ESRRG: variants seen among roughly 807,000 people sequenced by gnomAD.
ESRRG encodes estrogen related receptor gamma.
ESRRG carries 13 observed loss-of-function variants against 44.0 expected under a neutral mutation model. The observed-to-expected ratio is 0.30, with a 90% CI of 0.19 to 0.47. The LOEUF is 0.47. ESRRG is among the 20% of genes least tolerant of loss of function. The pLI, the probability that ESRRG is intolerant of heterozygous loss-of-function variation, is 1.00. For synonymous variants in ESRRG, 215 were observed against 214.6 expected, an observed-to-expected ratio of 1.00 and a Z score of -0.02; for missense variants, 395 against 580.6, an observed-to-expected ratio of 0.68 and a Z score of 3.29.
At chr1:217,085,347 C>T (rs760542657) in intron 1 of ESRRG, among the ~76,000 whole-genome samples, 2 of 152,044 alleles carry the variant, frequency 1.3e-5, no homozygotes, top group Admixed American at 6.6e-5. Context: ...AAGAAGGCCC[C>T]GTGGGGCTCT....
At chr1:217,086,049 A>C (rs1433865377) in intron 1 of ESRRG, among the ~76,000 whole-genome samples, 1 of 152,224 alleles carries the variant, frequency 6.6e-6, no homozygotes, top group East Asian at 1.9e-4. Context: ...TGACTTTATG[A>C]AGATATTTTA....
intron 2 of ESRRG, among the ~76,000 whole-genome samples, chr1:216,814,989 T>C (rs1169175503): frequency 6.6e-6 from 1 of 152,232 alleles, no homozygotes; most frequent in Non-Finnish European, 1.5e-5. Flanking sequence ...TTTCTTACCA[T>C]TATTTTCTTA....
intron 2 of ESRRG, among the ~76,000 whole-genome samples, chr1:216,929,919 C>T (rs1026697440): frequency 1.3e-5 from 2 of 152,078 alleles, no homozygotes; most frequent in African/African-American, 2.4e-5. Flanking sequence ...TCATAGAAAC[C>T]GTACCTGATT....
chr1:216,555,245 T>C (rs2057286398), intron 5 of ESRRG, among the ~76,000 whole-genome samples: 1 of 152,206 alleles, frequency 6.6e-6, no homozygotes, highest in African/African-American at 2.4e-5. Context: ...CTACTGAGGT[T>C]TGTGATCCAA....
intron 1 of ESRRG, among the ~76,000 whole-genome samples, chr1:217,075,572 G>T (rs116743281): frequency 6.7e-6 from 1 of 148,756 alleles, no homozygotes; most frequent in African/African-American, 2.5e-5. Context: ...TCCCACACTC[G>T]CTTCAAATTG....
rs546080143 is a variant in ESRRG at position 217,095,003 on chromosome 1, G to T, written c.-230+42664C>A. 6.6e-5 allele frequency among the ~76,000 whole-genome samples: 10 copies of T among 151,856 alleles called. 1 individual carries two copies. The South Asian group carries it at 2.1e-3, about 32-fold the overall frequency. On this transcript the variant is annotated intron_variant, in intron 1 of 8. Coordinates refer to the ESRRG transcript ENST00000366940. The stretch of plus-strand genomic sequence containing the variant: ...TCCATGGATGAATTAAGAAACTCTT[G>T]AAGTTGTAGGCAAAGTGTGTGTCTG...
At chr1:217,124,578 A>G (rs2092864558) in intron 1 of ESRRG, among the ~76,000 whole-genome samples, 2 of 152,230 alleles carry the variant, frequency 1.3e-5, no homozygotes, top group Admixed American at 1.3e-4. Flanking sequence ...GATAAATGTC[A>G]ACAACCAAAC....
intron 1 of ESRRG, among the ~76,000 whole-genome samples, chr1:217,080,967 G>A (rs1335595397): frequency 3.3e-5 from 5 of 151,782 alleles, no homozygotes; most frequent in Non-Finnish European, 7.4e-5. Context: ...GTGAGCCACC[G>A]CGCCTGACCC....
intron 1 of ESRRG, among the ~76,000 whole-genome samples, chr1:216,956,804 CAT>C (rs2068041201): frequency 6.6e-6 from 1 of 152,066 alleles, no homozygotes; most frequent in Non-Finnish European, 1.5e-5. Context: ...CAGAGGTTCG[CAT>C]GAACAATTCC....
chr1:216,693,663 G>A (rs1018004782), intron 1 of ESRRG, among the ~76,000 whole-genome samples: 2 of 152,106 alleles, frequency 1.3e-5, no homozygotes, highest in African/African-American at 4.8e-5. Flanking sequence ...GTATTGTTTA[G>A]GGAATAATGG....
intron 1 of ESRRG, among the ~76,000 whole-genome samples, chr1:216,981,038 T>G (rs1310533144): frequency 6.6e-6 from 1 of 152,136 alleles, no homozygotes; most frequent in African/African-American, 2.4e-5. Context: ...AAGTACCTAC[T>G]AAGGCAAGAT....
intron 2 of ESRRG, among the ~76,000 whole-genome samples, chr1:216,663,197 G>C (rs2072981136): frequency 1.3e-5 from 2 of 152,134 alleles, no homozygotes; most frequent in Admixed American, 1.3e-4. Flanking sequence ...GCACAGTGAG[G>C]TTTTTCCAAA....
intron 2 of ESRRG, among the ~76,000 whole-genome samples, chr1:216,867,503 G>C (rs551528077): frequency 2.0e-5 from 3 of 152,048 alleles, no homozygotes; most frequent in Non-Finnish European, 4.4e-5. Flanking sequence ...AACTACTTAA[G>C]ATAACATATC....
At chr1:217,057,088 C>A (rs1006361047) in intron 1 of ESRRG, among the ~76,000 whole-genome samples, 1 of 152,098 alleles carries the variant, frequency 6.6e-6, no homozygotes, top group Non-Finnish European at 1.5e-5. Context: ...ACCCTTCCAG[C>A]GTAAGCCCCC....
chr1:216,810,238 G>A (rs565798766), intron 2 of ESRRG, among the ~76,000 whole-genome samples: 9 of 152,074 alleles, frequency 5.9e-5, no homozygotes, highest in East Asian at 3.9e-4. Flanking sequence ...ATGCCTTTGC[G>A]CAAATGGCAG....
intron 2 of ESRRG, among the ~76,000 whole-genome samples, chr1:216,834,727 A>G (rs573473847): frequency 1.3e-5 from 2 of 152,224 alleles, no homozygotes; most frequent in Admixed American, 6.5e-5. Context: ...TTGAGGCCCT[A>G]CTCATGGAAG....
intron 1 of ESRRG, among the ~76,000 whole-genome samples, chr1:216,684,474 C>T (rs1176468053): frequency 6.6e-6 from 1 of 152,170 alleles, no homozygotes; most frequent in Admixed American, 6.5e-5. Context: ...AAGTGAGTTA[C>T]TGACAAATCA....
chr1:217,035,094 C>T (rs899815477), intron 1 of ESRRG, among the ~76,000 whole-genome samples: 2 of 152,050 alleles, frequency 1.3e-5, no homozygotes, highest in African/African-American at 4.8e-5. Context: ...GGCCAGATTT[C>T]CTTACAGGAC....
In ESRRG at chr1:216,913,388, G is replaced by A. The variant is rs564962574; in HGVS notation, c.-14+26194C>T. ...TTCATGGATTTCGGTCGGGGGTGGGGGTGGCTACTGGAAACAATCCTTCAT... is the reference window on the plus strand; with the variant it reads ...TTCATGGATTTCGGTCGGGGGTGGGAGTGGCTACTGGAAACAATCCTTCAT... On this transcript the variant is annotated intron_variant, in intron 2 of 7. Coordinates refer to the ESRRG transcript ENST00000359162. Among the ~76,000 whole-genome samples the A allele has an allele frequency of 3.3e-5, 5 of 151,946 alleles. No individual in the cohort carries two copies. The East Asian group carries it at 7.8e-4, about 24-fold the overall frequency.
Sources: gnomAD v4.1 joint callset for allele counts (sites outside exome capture counted in the v4.1 genomes callset) on GRCh38, gnomAD v4.1.1 for gene constraint, MANE v1.5 for transcripts, NCBI Gene and HGNC (gene_info 2026-07-23, HGNC 2026-07-21) for gene names.